STPG2: variants seen among roughly 807,000 people sequenced by gnomAD.
STPG2 encodes the protein sperm-tail PG-rich repeat-containing protein 2.
STPG2 carries 56 observed loss-of-function variants against 54.2 expected under a neutral mutation model. That is an observed-to-expected ratio of 1.03 (90% CI 0.83 to 1.29). The LOEUF is 1.29. Among genes scored for constraint, STPG2 ranks in the 50% most tolerant of loss-of-function variants. The pLI is 0.00. For synonymous variants in STPG2, 200 were observed against 181.8 expected, an observed-to-expected ratio of 1.10 and a Z score of -0.81; for missense variants, 596 against 544.9, an observed-to-expected ratio of 1.09 and a Z score of -0.93.
At position 97,615,123 on chromosome 4, in the gene STPG2, A is replaced by G. The variant is rs1451621410; in HGVS notation, c.1321-56006T>C. ...GGTTTCACCATTCTTCCACTCAAGC[A>G]TCGCCATAAATGTGATGTTTGTTCT... On this transcript the variant is annotated intron_variant, in intron 10 of 10. Transcript: ENST00000295268. Among the ~76,000 whole-genome samples, 5 of 152,150 alleles carry G rather than the reference A, an allele frequency of 3.3e-5. No individual in the cohort carries two copies. In the East Asian group the frequency reaches 9.6e-4, roughly 29 times the overall value.
intron 4 of STPG2, among the ~76,000 whole-genome samples, chr4:97,483,278 C>T (rs900511084): frequency 6.6e-6 from 1 of 151,682 alleles, no homozygotes; most frequent in Non-Finnish European, 1.5e-5. Flanking sequence ...TTAAAAGGTA[C>T]AGAACTGCAG....
chr4:97,547,333 C>G (rs903804265), intron 4 of STPG2, among the ~76,000 whole-genome samples: 2 of 152,052 alleles, frequency 1.3e-5, no homozygotes, highest in Non-Finnish European at 2.9e-5. Context: ...GCCTCAGCCC[C>G]CTGAATAGCT....
At chr4:97,514,267 A>T (rs1414980356) in intron 4 of STPG2, among the ~76,000 whole-genome samples, 1 of 152,106 alleles carries the variant, frequency 6.6e-6, no homozygotes, top group African/African-American at 2.4e-5. Context: ...GAGAGTAAGC[A>T]GCTGGAGAGA....
chr4:97,830,423 C>T (rs938087240), intron 9 of STPG2, among the ~76,000 whole-genome samples: 1 of 152,052 alleles, frequency 6.6e-6, no homozygotes, highest in Non-Finnish European at 1.5e-5. Flanking sequence ...CAAAAACATA[C>T]CAAATTGTAA....
At chr4:97,684,575 A>G (rs1371023979) in intron 10 of STPG2, among the ~76,000 whole-genome samples, 6 of 152,018 alleles carry the variant, frequency 3.9e-5, no homozygotes, top group African/African-American at 1.4e-4. Flanking sequence ...GAGACCTTAC[A>G]TCTTTTACAA....
chr4:97,672,125 C>T (rs1385334002), intron 10 of STPG2, among the ~76,000 whole-genome samples: 1 of 145,966 alleles, frequency 6.9e-6, no homozygotes, highest in Non-Finnish European at 1.5e-5. Flanking sequence ...TGGTAAAAAA[C>T]TGTCTCAAAA....
intron 8 of STPG2, among the ~76,000 whole-genome samples, chr4:97,923,246 G>T (rs1169188982): frequency 6.6e-6 from 1 of 152,254 alleles, no homozygotes; most frequent in Non-Finnish European, 1.5e-5. Flanking sequence ...CTGCGGGGGG[G>T]TGTGGAGAGA....
intron 8 of STPG2, among the ~76,000 whole-genome samples, chr4:97,882,432 C>G (rs1251202282): frequency 6.6e-6 from 1 of 152,112 alleles, no homozygotes; most frequent in Non-Finnish European, 1.5e-5. Flanking sequence ...GTGCAGATCC[C>G]TGGAGAAAGA....
chr4:97,462,164 A>G (rs980592618), intron 4 of STPG2, among the ~76,000 whole-genome samples: 2 of 152,050 alleles, frequency 1.3e-5, no homozygotes, highest in African/African-American at 4.8e-5. Context: ...CCATATGGAA[A>G]CCCAGTTGAA....
intron 4 of STPG2, among the ~76,000 whole-genome samples, chr4:97,532,067 T>C (rs916012938): frequency 2.6e-5 from 4 of 152,132 alleles, no homozygotes; most frequent in Admixed American, 6.6e-5. Context: ...ATTTTAACAA[T>C]TTGAATTCAT....
rs1740363309 is a variant in STPG2, at chr4:98,143,449, A to G, written c.-299T>C. ...CCACCAAAATTGGGTATTAGGGATT[A>G]GACGCTCGCCCCGGTGCTTCCGGCC... On this transcript the variant is annotated 5_prime_UTR_variant, in exon 1 of 11. Transcript: ENST00000295268. Among the ~76,000 whole-genome samples the G allele has an allele frequency of 6.6e-6, 1 of 152,198 alleles. No individual in the cohort carries two copies. The highest frequency in any genetic ancestry group is 2.1e-4 in the South Asian group (1 of 4,838).
intron 9 of STPG2, among the ~76,000 whole-genome samples, chr4:97,839,688 T>G (rs1728739982): frequency 6.6e-6 from 1 of 151,292 alleles, no homozygotes; most frequent in African/African-American, 2.4e-5. Context: ...AAAAAGAAAA[T>G]AAAAAGTGAA....
At chr4:97,448,761 C>G (rs761815007) in intron 4 of STPG2, among the ~76,000 whole-genome samples, 8 of 152,012 alleles carry the variant, frequency 5.3e-5, no homozygotes, top group Non-Finnish European at 1.0e-4. Flanking sequence ...TTATATTTTG[C>G]CTCCTTGGTG....
intron 8 of STPG2, among the ~76,000 whole-genome samples, chr4:97,912,474 A>C (rs1432634939): frequency 3.3e-5 from 5 of 152,220 alleles, no homozygotes; most frequent in African/African-American, 9.6e-5. Context: ...AGAGAAACAT[A>C]ACCAACCTGA....
intron 5 of STPG2, among the ~76,000 whole-genome samples, chr4:98,038,238 T>C (rs187097728): frequency 5.3e-5 from 8 of 152,082 alleles, no homozygotes; most frequent in Admixed American, 5.2e-4. Context: ...CATATGTCTA[T>C]GAAAAGCCAA....
intron 5 of STPG2, among the ~76,000 whole-genome samples, chr4:98,077,798 T>C (rs1386213889): frequency 6.6e-6 from 1 of 152,200 alleles, no homozygotes; most frequent in African/African-American, 2.4e-5. Context: ...TTAAAATTCC[T>C]ACCCCGACAG....
intron 9 of STPG2, among the ~76,000 whole-genome samples, chr4:97,817,655 C>T (rs1437822164): frequency 6.6e-6 from 1 of 151,962 alleles, no homozygotes; most frequent in Non-Finnish European, 1.5e-5. Context: ...TTCAGCTTCT[C>T]ACTCTCTGCA....
At chr4:98,118,932 G>T (rs1287110877) in intron 3 of STPG2, among the ~76,000 whole-genome samples, 2 of 152,046 alleles carry the variant, frequency 1.3e-5, no homozygotes, top group African/African-American at 4.8e-5. Context: ...AATCCATACT[G>T]ATATAAATAT....
chr4:97,928,357 T>G (rs1477578447), intron 8 of STPG2, among the ~76,000 whole-genome samples: 1 of 152,202 alleles, frequency 6.6e-6, no homozygotes, highest in African/African-American at 2.4e-5. Context: ...TTAATATGTT[T>G]TGTTTCTTTT....
Sources: gnomAD v4.1 joint callset for allele counts (sites outside exome capture counted in the v4.1 genomes callset) on GRCh38, gnomAD v4.1.1 for gene constraint, MANE v1.5 for transcripts, NCBI Gene and HGNC (gene_info 2026-07-23, HGNC 2026-07-21) for gene names.